Variants in ARHGAP10 observed in about 807,000 individuals in gnomAD.
The protein encoded by ARHGAP10 is Rho GTPase activating protein 10.
ARHGAP10 carries 87 observed loss-of-function variants against 108.6 expected under a neutral mutation model. That is an observed-to-expected ratio of 0.80 (90% CI 0.67 to 0.96). The LOEUF (loss-of-function observed/expected upper bound fraction) is 0.96. Ranked by LOEUF, ARHGAP10 falls within the 40% of genes least tolerant of loss-of-function variation. The pLI, the probability that ARHGAP10 is intolerant of heterozygous loss-of-function variation, is 0.00. For synonymous variants in ARHGAP10, 347 were observed against 341.1 expected, an observed-to-expected ratio of 1.02 and a Z score of -0.19; for missense variants, 939 against 954.5, an observed-to-expected ratio of 0.98 and a Z score of 0.21.
At chr4:147,894,395 A>G (rs967610082) in intron 10 of ARHGAP10, among the ~76,000 whole-genome samples, 3 of 152,178 alleles carry the variant, frequency 2.0e-5, no homozygotes, top group African/African-American at 7.2e-5. Context: ...CTGCCCATTT[A>G]AAAATTGTGT....
chr4:147,963,512 T>G (rs1177934925), intron 16 of ARHGAP10, among the ~76,000 whole-genome samples: 2 of 152,190 alleles, frequency 1.3e-5, no homozygotes, highest in Non-Finnish European at 2.9e-5. Flanking sequence ...TTTTATTGAT[T>G]TATTTGATAG....
At chr4:147,735,023 A>G (rs569695006) in intron 1 of ARHGAP10, among the ~76,000 whole-genome samples, 36 of 152,226 alleles carry the variant, frequency 2.4e-4, no homozygotes, top group African/African-American at 8.4e-4. Flanking sequence ...GAAGATTTCA[A>G]TATGTAATTT....
chr4:147,825,172 G>T (rs1270175165), intron 3 of ARHGAP10, among the ~76,000 whole-genome samples: 1 of 43,624 alleles, frequency 2.3e-5, no homozygotes, highest in Non-Finnish European at 4.3e-5. Flanking sequence ...AGAGGGCTGG[G>T]CGCAGTGGCT....
intron 1 of ARHGAP10, among the ~76,000 whole-genome samples, chr4:147,805,362 C>T (rs144213810): frequency 1.1e-3 from 164 of 152,218 alleles, no homozygotes; most frequent in African/African-American, 3.4e-3. Flanking sequence ...CATGCTGTTT[C>T]GGTTACTGTA....
intron 1 of ARHGAP10, among the ~76,000 whole-genome samples, chr4:147,771,842 A>G (rs904531100): frequency 2.6e-5 from 4 of 152,104 alleles, no homozygotes; most frequent in African/African-American, 9.7e-5. Context: ...ACCAGGCTGT[A>G]GTGCAGTGGT....
intron 21 of ARHGAP10, among the ~76,000 whole-genome samples, chr4:148,063,630 A>G (rs1180090024): frequency 2.0e-5 from 3 of 152,206 alleles, no homozygotes; most frequent in African/African-American, 2.4e-5. Context: ...TTTTAAAAGT[A>G]GGCAAGCTGG....
chr4:147,845,352 G>A (rs1025166798), intron 3 of ARHGAP10, among the ~76,000 whole-genome samples: 3 of 152,140 alleles, frequency 2.0e-5, no homozygotes, highest in African/African-American at 7.2e-5. Context: ...CTTCTCTACT[G>A]AACAGTAATT....
At chr4:147,771,123 C>T (rs1426943400) in intron 1 of ARHGAP10, among the ~76,000 whole-genome samples, 1 of 152,072 alleles carries the variant, frequency 6.6e-6, no homozygotes, top group African/African-American at 2.4e-5. Context: ...GTTGGAAGAT[C>T]ACTTAAGCCC....
chr4:147,914,341 C>T (rs967292009), intron 13 of ARHGAP10, among the ~76,000 whole-genome samples: 7 of 152,032 alleles, frequency 4.6e-5, no homozygotes, highest in Non-Finnish European at 1.0e-4. Flanking sequence ...CCTGTATTTG[C>T]TGCGTTGCAT....
At chr4:147,857,779 G>A in intron 5 of ARHGAP10, 125 bp downstream of exon 5, 2 of 828,724 alleles carry the variant, frequency 2.4e-6, no homozygotes, top group Non-Finnish European at 3.3e-6. Flanking sequence ...AAAGTGAACA[G>A]GTATTGTCAT....
chr4:147,754,612 TG>T (rs1302030923), intron 1 of ARHGAP10, among the ~76,000 whole-genome samples: 1 of 152,060 alleles, frequency 6.6e-6, no homozygotes, highest in African/African-American at 2.4e-5. Context: ...TGAATGTAAT[TG>T]TATTCAATTT....
At chr4:147,905,776 A>G (rs911952533) in intron 10 of ARHGAP10, among the ~76,000 whole-genome samples, 7 of 150,788 alleles carry the variant, frequency 4.6e-5, no homozygotes, top group Non-Finnish European at 8.9e-5. Context: ...GAAGAAAGTC[A>G]TTGGTAGCTT....
At chr4:147,778,643 A>G (rs542137478) in intron 1 of ARHGAP10, among the ~76,000 whole-genome samples, 1 of 152,296 alleles carries the variant, frequency 6.6e-6, no homozygotes, top group Non-Finnish European at 1.5e-5. Context: ...TTGCTAATCA[A>G]AATGTCCTAT....
At chr4:148,062,107 C>T (rs1051680487) in intron 20 of ARHGAP10, among the ~76,000 whole-genome samples, 4 of 152,132 alleles carry the variant, frequency 2.6e-5, no homozygotes, top group Non-Finnish European at 1.5e-5. Context: ...GGGACGGCCC[C>T]TGGTAGGTGA....
At chr4:147,732,634 G>C (rs1158764393) in intron 1 of ARHGAP10, among the ~76,000 whole-genome samples, 179 bp downstream of exon 1, 1 of 152,008 alleles carries the variant, frequency 6.6e-6, no homozygotes, top group Non-Finnish European at 1.5e-5. Context: ...ATTCCTCCTC[G>C]AGGCAGCGCG....
chr4:147,985,934 A>G (rs917662978), intron 18 of ARHGAP10, among the ~76,000 whole-genome samples: 8 of 151,844 alleles, frequency 5.3e-5, no homozygotes, highest in Non-Finnish European at 8.8e-5. Flanking sequence ...TACCAGCCAG[A>G]TGCCATCATG....
At chr4:148,034,044 T>C (rs997461500) in intron 19 of ARHGAP10, among the ~76,000 whole-genome samples, 2 of 152,210 alleles carry the variant, frequency 1.3e-5, no homozygotes, top group East Asian at 1.9e-4. Flanking sequence ...AGCAAATCTC[T>C]CTCTAAGCCT....
intron 1 of ARHGAP10, among the ~76,000 whole-genome samples, chr4:147,796,629 G>C (rs985255696): frequency 6.6e-6 from 1 of 152,024 alleles, no homozygotes; most frequent in Admixed American, 6.5e-5. Flanking sequence ...AGGTTCAAGC[G>C]ATTCTCCTGC....
In ARHGAP10 at chr4:148,005,971, AT is replaced by A. The variant is rs756871216; in HGVS notation, c.1717-17289del. The stretch of plus-strand genomic sequence containing the variant: ...TAGTGCAGATTAAAAGTAGCCACAA[AT>A]TTCTTTCACACTCCTTCCGCAGAGA... On this transcript the variant is annotated intron_variant, in intron 18 of 22. Transcript: ENST00000336498. 2.8e-4 allele frequency among the ~76,000 whole-genome samples: 43 copies of A among 152,282 alleles called. 1 individual carries two copies. Among genetic ancestry groups the A allele is most frequent in the Non-Finnish European group, 5.1e-4 (35 of 68,022 alleles).
Sources: allele counts gnomAD v4.1 joint callset (sites outside exome capture counted in the v4.1 genomes callset), GRCh38; gene constraint gnomAD v4.1.1; transcripts MANE v1.5; gene names NCBI Gene and HGNC (gene_info 2026-07-23, HGNC 2026-07-21).